The following COL4A6 variants were observed in gnomAD, a reference collection of about 807,000 sequenced individuals.
The protein encoded by COL4A6 is collagen alpha-6(IV) chain.
Under a neutral mutation model 126.7 loss-of-function variants are expected in COL4A6, and 59 were observed. The observed-to-expected ratio is 0.47, with a 90% CI of 0.38 to 0.58. The LOEUF is 0.58. COL4A6 is among the 20% of genes least tolerant of loss of function. COL4A6 has a pLI of 0.00. For missense variants in COL4A6, 1,285 were observed against 1,337.3 expected (o/e 0.96, Z 0.61); for synonymous variants, 547 against 496.6 (o/e 1.10, Z -1.35).
chrX:108,243,074 G>A (rs2036618441), intron 3 of COL4A6, among the ~76,000 whole-genome samples: 1 of 111,302 alleles, frequency 9.0e-6, no homozygotes. Context: ...TGATTCAGCG[G>A]GAGGCTCAAG....
intron 8 of COL4A6, among the ~76,000 whole-genome samples, chrX:108,209,140 A>AT (rs1020006967): frequency 3.6e-5 from 4 of 111,710 alleles, no homozygotes; most frequent in African/African-American, 9.8e-5. Context: ...CACACATCCC[A>AT]TTTTTTTGCC....
rs1391431612 is a variant in COL4A6 at position 108,187,977 on chromosome X, T to C, written c.1638A>G (p.Glu546=). The C allele has an allele frequency of 8.3e-7, 1 of 1,204,377 alleles. No individual in the cohort carries two copies. The highest frequency in any genetic ancestry group is 1.1e-6 in the Non-Finnish European group (1 of 890,892). ...GPSGPKGKKG[E]PILSTIQGMP... The stretch of plus-strand genomic sequence containing the variant: ...TTCCTTGGATTGTACTGAGAATTGG[T>C]TCCCCCTTCTTTCCTTTGGGTCCTG... Residue 546 remains glutamate (E), a synonymous_variant, in exon 22 of 45, where the codon GAA becomes GAG. Coordinates refer to ENST00000334504, the MANE Select transcript of COL4A6 (RefSeq NM_033641.4).
chrX:108,203,110 G>T, intron 12 of COL4A6, 129 bp from the exon 13 acceptor site: 1 of 544,176 alleles, frequency 1.8e-6, no homozygotes, highest in Non-Finnish European at 3.1e-6. Flanking sequence ...GTAGCAGAGA[G>T]TGGTGCAGAT....
At chrX:108,231,587 T>C (rs945603218) in intron 3 of COL4A6, among the ~76,000 whole-genome samples, 4 of 111,771 alleles carry the variant, frequency 3.6e-5, no homozygotes, top group African/African-American at 1.3e-4. Flanking sequence ...ATTAAGGAAC[T>C]TGCCTGAGAT....
chrX:108,395,371 C>A (rs1396693061), intron 2 of COL4A6, among the ~76,000 whole-genome samples: 1 of 111,374 alleles, frequency 9.0e-6, no homozygotes, highest in Non-Finnish European at 1.9e-5. Context: ...CTGTGTATAC[C>A]GTGAAATGTG....
chrX:108,213,900 C>T (rs2035782518), intron 6 of COL4A6: 4 of 378,979 alleles, frequency 1.1e-5, no homozygotes. Context: ...AAAGGCAACC[C>T]TAAGCAGTGT....
At chrX:108,379,823 A>T (rs1365324069) in intron 2 of COL4A6, among the ~76,000 whole-genome samples, 2 of 109,986 alleles carry the variant, frequency 1.8e-5, no homozygotes, top group Non-Finnish European at 1.9e-5. Context: ...AATATTTTTA[A>T]AAAGCTCTCA....
rs768105701 is a variant in COL4A6 at position 108,403,738 on chromosome X, G to A, written c.63+34204C>T. 9.9e-5 allele frequency among the ~76,000 whole-genome samples: 11 copies of A among 111,285 alleles called. No homozygotes were observed. The South Asian group carries it at 1.5e-3, about 15-fold the overall frequency. ...CATACATAAATATTCTAAATAAAGC[G>A]TTTAGGGATATAAATCTGCTCATTA... On this transcript the variant is annotated intron_variant, in intron 2 of 44. Transcript: ENST00000334504.
At chrX:108,288,958 A>T (rs1267072581) in intron 3 of COL4A6, among the ~76,000 whole-genome samples, 1 of 111,775 alleles carries the variant, frequency 8.9e-6, no homozygotes, top group African/African-American at 3.3e-5. Flanking sequence ...AGAAATAATC[A>T]GACAAATCTA....
intron 32 of COL4A6, among the ~76,000 whole-genome samples, chrX:108,172,092 C>G (rs1191890401): frequency 1.8e-5 from 2 of 111,717 alleles, no homozygotes; most frequent in East Asian, 5.6e-4. Context: ...GTGGCTCACG[C>G]CTGTAATCCC....
At position 108,175,190 on chromosome X, in the gene COL4A6, G is replaced by C. The variant is rs183856005; in HGVS notation, c.2856C>G (p.Val952=). 1 of 1,194,069 alleles carries C rather than the reference G, an allele frequency of 8.4e-7. No homozygotes were observed. The highest frequency in any genetic ancestry group is 1.1e-6 in the Non-Finnish European group (1 of 888,094). The change falls in exon 30 of 45, where the codon GTC becomes GTG. Residue 952 remains valine (V), a synonymous_variant. Coordinates refer to ENST00000334504, the MANE Select transcript of COL4A6 (RefSeq NM_033641.4). Reference sequence around the variant, plus strand: ...TTGGACGTCTTGGACTAGGTATTCCGACTGGCCCCGGATTGCCTCTGTCTC... The same window carrying C: ...TTGGACGTCTTGGACTAGGTATTCCCACTGGCCCCGGATTGCCTCTGTCTC... ...EKGDRGNPGP[V]GIPSPRRPMS...
At chrX:108,271,303 C>A (rs149674286) in intron 3 of COL4A6, among the ~76,000 whole-genome samples, 4 of 111,641 alleles carry the variant, frequency 3.6e-5, no homozygotes, top group African/African-American at 1.3e-4. Context: ...TACAAGACTC[C>A]CCCAAGGGAG....
chrX:108,347,448 A>G (rs1444520536), intron 2 of COL4A6, among the ~76,000 whole-genome samples: 7 of 111,980 alleles, frequency 6.3e-5, no homozygotes, highest in Non-Finnish European at 1.1e-4. Context: ...CATTTCCCAA[A>G]CATTTGCTGA....
intron 23 of COL4A6, among the ~76,000 whole-genome samples, chrX:108,185,051 G>A (rs2034811325): frequency 8.9e-6 from 1 of 112,095 alleles, no homozygotes; most frequent in African/African-American, 3.2e-5. Flanking sequence ...TAGAAGCAAA[G>A]CTATAGCTGA....
intron 3 of COL4A6, among the ~76,000 whole-genome samples, chrX:108,231,218 CT>C (rs1351199572): frequency 8.9e-6 from 1 of 112,086 alleles, no homozygotes; most frequent in Non-Finnish European, 1.9e-5. Flanking sequence ...AATCACATTT[CT>C]TTTCTAGTTC....
At chrX:108,225,145 A>G (rs1033079198) in intron 3 of COL4A6, among the ~76,000 whole-genome samples, 1 of 111,873 alleles carries the variant, frequency 8.9e-6, no homozygotes, top group African/African-American at 3.3e-5. Flanking sequence ...ACCTGCTGCC[A>G]GTATGTGGCT....
chrX:108,189,727 T>A (rs911924), intron 20 of COL4A6, among the ~76,000 whole-genome samples: 1 of 110,978 alleles, frequency 9.0e-6, no homozygotes, highest in African/African-American at 3.3e-5. Flanking sequence ...CATTTTATGA[T>A]GGAGCAATGA....
intron 2 of COL4A6, among the ~76,000 whole-genome samples, chrX:108,343,580 T>A (rs1412405294): frequency 1.8e-5 from 2 of 110,760 alleles, no homozygotes; most frequent in Non-Finnish European, 3.8e-5. Context: ...TTGGAAGAGA[T>A]GTGAAGTTTG....
At chrX:108,364,860 G>A (rs1209566711) in intron 2 of COL4A6, among the ~76,000 whole-genome samples, 4 of 110,987 alleles carry the variant, frequency 3.6e-5, no homozygotes, top group East Asian at 5.6e-4. Flanking sequence ...GCTAATGGAC[G>A]CTTAGGTTGA....
Sources: gnomAD v4.1 joint callset for allele counts (sites outside exome capture counted in the v4.1 genomes callset) on GRCh38, gnomAD v4.1.1 for gene constraint, MANE v1.5 for transcripts, NCBI Gene and HGNC (gene_info 2026-07-23, HGNC 2026-07-21) for gene names.